MED18: variants seen among roughly 807,000 people sequenced by gnomAD.
MED18 encodes mediator of RNA polymerase II transcription subunit 18.
A neutral mutation model predicts 13.9 loss-of-function variants in MED18; 10 were observed. That is an observed-to-expected ratio of 0.72 (90% confidence interval 0.44 to 1.22). The LOEUF (loss-of-function observed/expected upper bound fraction) is 1.22. Ranked by LOEUF, MED18 falls within the 50% of genes most tolerant of loss-of-function variation. The pLI is 0.00. For missense variants in MED18, 216 were observed against 279.0 expected, an observed-to-expected ratio of 0.77 and a Z score of 1.61; for synonymous variants, 88 against 93.2, an observed-to-expected ratio of 0.94 and a Z score of 0.32.
Position 28,329,093 on chromosome 1 carries a change from C to T in MED18, c.-154C>T, listed in dbSNP as rs1462034612. ...TTCCCGGGCTCGGGTAACCGGAGTG[C>T]TGGTATCTAATCGTCGCTCAAAAGC... On this transcript the variant is annotated 5_prime_UTR_variant, in exon 1 of 3. Transcript: ENST00000373842. 1.3e-5 allele frequency: 2 copies of T among 152,282 alleles called. No homozygotes were observed. The highest frequency in any genetic ancestry group is 2.4e-5 in the African/African-American group (1 of 41,566). The allele number at this position is 152,282 out of a possible 1,614,324, so 9.4% of individuals were successfully genotyped here. A position where few individuals can be genotyped will look rare whatever the true frequency, so the allele number is the denominator to read the frequency against.
At chr1:28,329,643 A>C (rs553232738) in intron 1 of MED18, among the ~76,000 whole-genome samples, 8 of 152,276 alleles carry the variant, frequency 5.3e-5, no homozygotes, top group Non-Finnish European at 1.0e-4. Context: ...TCCCGCCTGT[A>C]GTAGTCCCAG....
chr1:28,335,502 A>G lies in MED18; in HGVS notation c.*532A>G, dbSNP rs1649914363. ...ATATTAAAGGCTCAGGATGTCACGG[A>G]GAATCTATCTAATCCCACTGTATTA... On this transcript the variant is annotated 3_prime_UTR_variant, in exon 3 of 3. Coordinates refer to ENST00000373842, the MANE Select transcript of MED18 (RefSeq NM_017638.3). 1 of 158,806 alleles carries G rather than the reference A, an allele frequency of 6.3e-6. No homozygotes were observed. The allele number at this position is 158,806 out of a possible 1,614,324, so 9.8% of individuals were successfully genotyped here. A position where few individuals can be genotyped will look rare whatever the true frequency, so the allele number is the denominator to read the frequency against.
chr1:28,334,375 A>G, intron 2 of MED18, 42 bp from the exon 3 acceptor site: 2 of 1,567,834 alleles, frequency 1.3e-6, no homozygotes, highest in Non-Finnish European at 1.7e-6. Context: ...TCCATGACCT[A>G]AAATGAAAGA....
Position 28,330,834 on chromosome 1 carries a change from T to C in MED18, c.73+99T>C. The C allele has an allele frequency of 6.0e-6, 5 of 840,262 alleles. 1 individual carries two copies. In the South Asian group the frequency reaches 9.5e-5, roughly 16 times the overall value. 52.1% of individuals were successfully genotyped at this position (840,262 alleles called of 1,614,324 possible). A position where few individuals can be genotyped will look rare whatever the true frequency, so the allele number is the denominator to read the frequency against. Reference sequence around the variant, plus strand: ...ACACAAAAGCAGCCTGCACAGTTTCTGGCACCCAGCTATGTTTTTAACTGT... The same window carrying C: ...ACACAAAAGCAGCCTGCACAGTTTCCGGCACCCAGCTATGTTTTTAACTGT... On this transcript the variant is annotated intron_variant, in intron 2 of 2. Transcript: ENST00000373842.
rs1476753933 is a variant in MED18, at chr1:28,330,677, A to G, written c.15A>G (p.Pro5=). The G allele has an allele frequency of 6.2e-7, 1 of 1,607,212 alleles. No homozygotes were observed. ...ACTTAGACACCATGGAGGCACCTCC[A>G]GTCACCATGATGCCTGTCACTGGGG... MEAP[P]VTMMPVTGGT... The change falls in exon 2 of 3, where the codon CCA becomes CCG. Residue 5 remains proline (P), a synonymous_variant. Coordinates refer to ENST00000373842, the MANE Select transcript of MED18 (RefSeq NM_017638.3).
intron 2 of MED18, among the ~76,000 whole-genome samples, chr1:28,331,211 G>T (rs1179591846): frequency 6.6e-6 from 1 of 150,422 alleles, no homozygotes; most frequent in Non-Finnish European, 1.5e-5. Context: ...AAAAAAAATT[G>T]CCATCTTAAC....
At chr1:28,329,732 C>T (rs1283935452) in intron 1 of MED18, among the ~76,000 whole-genome samples, 1 of 151,950 alleles carries the variant, frequency 6.6e-6, no homozygotes, top group Non-Finnish European at 1.5e-5. Context: ...GGCTACAGAG[C>T]GAGATCCTGT....
rs915724711 is a variant in MED18 at position 28,334,804 on chromosome 1, C to T, written c.461C>T (p.Pro154Leu). 3 of 1,613,996 alleles carry T rather than the reference C, an allele frequency of 1.9e-6. No individual in the cohort carries two copies. Among genetic ancestry groups the T allele is most frequent in the African/African-American group, 2.7e-5 (2 of 74,908 alleles). ...TACAAGATTTTCCGCATCCTGGTGC[C>T]AGGGAACACAGACAGCACTGAGGCC... ...MVYKIFRILV[P>L]GNTDSTEALS... The change falls in exon 3 of 3, where the codon CCA (proline) becomes CTA (leucine). Residue 154 changes from proline to leucine, a missense_variant. Transcript: ENST00000373842.
intron 2 of MED18, 168 bp from the exon 3 acceptor site, chr1:28,334,249 T>C (rs1649845146): frequency 1.3e-6 from 1 of 782,050 alleles, no homozygotes. Context: ...CACAACGTTA[T>C]ACAATACCTT....
intron 1 of MED18, 104 bp from the exon 2 acceptor site, chr1:28,330,493 C>G (rs1325725100): frequency 2.0e-6 from 1 of 502,604 alleles, no homozygotes; most frequent in Non-Finnish European, 3.5e-6. Flanking sequence ...AGGAAATACT[C>G]AAACGTTTTT....
rs776810003 is a variant in MED18, at chr1:28,334,366, C to T, written c.74-51C>T. ...AAGTTTTTTCAATTGTATACTAACT[C>T]CATGACCTAAAATGAAAGACAGGAC... On this transcript the variant is annotated intron_variant, in intron 2 of 2. Coordinates refer to ENST00000373842, the MANE Select transcript of MED18 (RefSeq NM_017638.3). The T allele has an allele frequency of 7.1e-6, 11 of 1,552,882 alleles. No homozygotes were observed. In the Admixed American group the frequency reaches 1.2e-4, roughly 17 times the overall value.
rs1257633800 is a variant in MED18, at chr1:28,330,740, G to A, written c.73+5G>A. The A allele has an allele frequency of 6.3e-6, 10 of 1,587,450 alleles. No individual in the cohort carries two copies. The highest frequency in any genetic ancestry group is 8.6e-6 in the Non-Finnish European group (10 of 1,169,136). On this transcript the variant is annotated splice_donor_5th_base_variant and intron_variant, in intron 2 of 2. Coordinates refer to ENST00000373842, the MANE Select transcript of MED18 (RefSeq NM_017638.3). ...TGATGGAGTACCTGTTGCAGGGTAA[G>A]TGAACTAGGGAACTTGGATTACCTG... is the stretch of plus-strand genomic sequence containing the variant.
intron 2 of MED18, 38 bp downstream of exon 2, chr1:28,330,773 C>T (rs375049282): frequency 1.9e-5 from 28 of 1,505,832 alleles, no homozygotes; most frequent in Non-Finnish European, 2.5e-5. Flanking sequence ...CTGTTTTCCT[C>T]TTCTCTGTTC....
At chr1:28,331,847 G>T (rs192352380) in intron 2 of MED18, among the ~76,000 whole-genome samples, 3 of 151,950 alleles carry the variant, frequency 2.0e-5, no homozygotes, top group Non-Finnish European at 2.9e-5. Flanking sequence ...AGATTCAAGC[G>T]ATTCTTCTGT....
chr1:28,333,342 T>A (rs1311532954), intron 2 of MED18, among the ~76,000 whole-genome samples: 1 of 151,934 alleles, frequency 6.6e-6, no homozygotes, highest in Admixed American at 6.6e-5. Context: ...CCTCCAGTGT[T>A]TGGGGAAGAT....
At position 28,329,194 on chromosome 1, in the gene MED18, GT is replaced by G. The variant is rs1395531029; in HGVS notation, c.-67+17del. 1.3e-5 allele frequency: 2 copies of G among 150,134 alleles called. No homozygotes were observed. The highest frequency in any genetic ancestry group is 2.5e-5 in the African/African-American group (1 of 40,784). The allele number at this position is 150,134 out of a possible 1,614,324, so 9.3% of individuals were successfully genotyped here. A position where few individuals can be genotyped will look rare whatever the true frequency, so the allele number is the denominator to read the frequency against. Reference sequence around the variant, plus strand: ...AGCCTCAAGGAGGTGTGCTTCTAGTGTTTAATTGGATACGTGTTATGGATGC... The same window carrying G: ...AGCCTCAAGGAGGTGTGCTTCTAGTGTTAATTGGATACGTGTTATGGATGC... On this transcript the variant is annotated intron_variant, in intron 1 of 2. Transcript: ENST00000373842.
rs1649905960 is a variant in MED18, at chr1:28,335,279, A to T, written c.*309A>T. The T allele has an allele frequency of 3.9e-6, 1 of 253,710 alleles. No homozygotes were observed. Among genetic ancestry groups the T allele is most frequent in the Non-Finnish European group, 7.6e-6 (1 of 130,730 alleles). 15.7% of individuals were successfully genotyped at this position (253,710 alleles called of 1,614,324 possible). A position where few individuals can be genotyped will look rare whatever the true frequency, so the allele number is the denominator to read the frequency against. On this transcript the variant is annotated 3_prime_UTR_variant, in exon 3 of 3. Transcript: ENST00000373842. Reference sequence around the variant, plus strand: ...CTATTCTCGAACTCCTGACCTCGTGATCCACCCACCTTGGCCTCCCAAAGT... The same window carrying T: ...CTATTCTCGAACTCCTGACCTCGTGTTCCACCCACCTTGGCCTCCCAAAGT...
chr1:28,330,275 CAAAAAAA>C (rs35222016), intron 1 of MED18: 8 of 53,266 alleles, frequency 1.5e-4, no homozygotes, highest in East Asian at 6.1e-4. Flanking sequence ...AACTCCGTCT[CAAAAAAA>C]AAAAAAAAAA....
At chr1:28,330,897 A>G (rs926590430) in intron 2 of MED18, 162 bp downstream of exon 2, 4 of 468,254 alleles carry the variant, frequency 8.5e-6, no homozygotes, top group Non-Finnish European at 1.5e-5. Flanking sequence ...TAAACATACT[A>G]AATTTGCCAT....
Sources: gnomAD v4.1 joint callset for allele counts (sites outside exome capture counted in the v4.1 genomes callset) on GRCh38, gnomAD v4.1.1 for gene constraint, MANE v1.5 for transcripts, NCBI Gene and HGNC (gene_info 2026-07-23, HGNC 2026-07-21) for gene names.